CCDC3: variants seen among roughly 807,000 people sequenced by gnomAD.
The protein encoded by CCDC3 is coiled-coil domain containing 3, also known as coiled-coil domain-containing protein 3.
CCDC3 carries 24 observed loss-of-function variants against 21.4 expected under a neutral mutation model. That is an observed-to-expected ratio of 1.12 (90% CI 0.81 to 1.58). The LOEUF is 1.58. Ranked by LOEUF, CCDC3 falls within the 40% of genes most tolerant of loss-of-function variation. CCDC3 has a pLI of 0.00. For synonymous variants in CCDC3, 186 were observed against 166.0 expected (o/e 1.12, Z -0.93); for missense variants, 425 against 360.9 (o/e 1.18, Z -1.44).
chr10:13,018,468 C>T (rs1836100256), intron 5 of CCDC3, among the ~76,000 whole-genome samples: 1 of 152,152 alleles, frequency 6.6e-6, no homozygotes, highest in Non-Finnish European at 1.5e-5. Context: ...TACAAAGACT[C>T]CCGGCCTACA....
chr10:12,985,513 C>A (rs1349061439), intron 2 of CCDC3, among the ~76,000 whole-genome samples: 1 of 152,182 alleles, frequency 6.6e-6, no homozygotes, highest in Non-Finnish European at 1.5e-5. Context: ...TAGCTAAAAA[C>A]TGAAAGTTAC....
chr10:13,057,739 C>T (rs1196782408), intron 4 of CCDC3, among the ~76,000 whole-genome samples: 3 of 151,844 alleles, frequency 2.0e-5, no homozygotes, highest in African/African-American at 4.8e-5. Context: ...ATTAGCTGGG[C>T]GTGGTGGTGG....
intron 2 of CCDC3, among the ~76,000 whole-genome samples, chr10:12,959,099 T>C (rs1330914126): frequency 6.6e-6 from 1 of 151,782 alleles, no homozygotes; most frequent in African/African-American, 2.4e-5. Flanking sequence ...TTCCTACCAC[T>C]GCCCCAGTCC....
chr10:13,098,852 G>C (rs1259025976), intron 2 of CCDC3, among the ~76,000 whole-genome samples: 1 of 151,230 alleles, frequency 6.6e-6, no homozygotes, highest in Admixed American at 6.6e-5. Flanking sequence ...GAGTAGCTGG[G>C]ACTACAGGAG....
Position 13,018,652 on chromosome 10 carries a change from C to T in CCDC3, c.-1-20140G>A, listed in dbSNP as rs571169970. 3.0e-4 allele frequency among the ~76,000 whole-genome samples: 46 copies of T among 152,212 alleles called. 3 individuals are homozygous for T. In the South Asian group the frequency reaches 8.9e-3, roughly 30 times the overall value. ...GGACTATTGAAAAATGAATAGAGGC[C>T]GGGCACAGTGGCTCATGCCTGTAAT... On this transcript the variant is annotated intron_variant, in intron 5 of 6. Coordinates refer to the CCDC3 transcript ENST00000378839.
chr10:13,092,648 A>G (rs17597413), intron 3 of CCDC3, among the ~76,000 whole-genome samples: 8,530 of 152,320 alleles, frequency 0.056, 324 homozygotes, highest in Non-Finnish European at 0.086. Flanking sequence ...AGATTCAGAA[A>G]AAGGAATGGA....
At chr10:13,047,821 C>T (rs1439747115) in intron 5 of CCDC3, among the ~76,000 whole-genome samples, 1 of 152,162 alleles carries the variant, frequency 6.6e-6, no homozygotes, top group East Asian at 1.9e-4. Flanking sequence ...AGGTCTCAAT[C>T]AACTTAGAAG....
At chr10:12,973,289 C>T (rs1256301774) in intron 2 of CCDC3, among the ~76,000 whole-genome samples, 1 of 152,154 alleles carries the variant, frequency 6.6e-6, no homozygotes, top group African/African-American at 2.4e-5. Flanking sequence ...CTGCACCCAG[C>T]CACGTGTCCC....
intron 5 of CCDC3, among the ~76,000 whole-genome samples, chr10:13,030,635 G>A (rs1164067833): frequency 2.0e-5 from 3 of 151,868 alleles, no homozygotes; most frequent in African/African-American, 7.3e-5. Flanking sequence ...CAAGATAAAG[G>A]GATGGAGGAA....
intron 5 of CCDC3, among the ~76,000 whole-genome samples, chr10:13,029,733 G>A (rs1383631290): frequency 1.3e-5 from 2 of 152,280 alleles, no homozygotes; most frequent in Non-Finnish European, 2.9e-5. Context: ...GTGGAAGAAA[G>A]GGTATCAGTG....
intron 2 of CCDC3, among the ~76,000 whole-genome samples, chr10:12,904,523 C>T (rs1834142802): frequency 1.5e-5 from 2 of 137,538 alleles, no homozygotes; most frequent in South Asian, 5.0e-4. Flanking sequence ...TATTAATCCT[C>T]CTCTATCCTT....
At chr10:12,991,922 CT>C (rs1312132269) in intron 2 of CCDC3, among the ~76,000 whole-genome samples, 1 of 152,032 alleles carries the variant, frequency 6.6e-6, no homozygotes, top group Non-Finnish European at 1.5e-5. Flanking sequence ...TCTTTCTTAT[CT>C]TTTTTTCTCA....
chr10:13,010,559 G>A (rs1835972170), intron 5 of CCDC3, among the ~76,000 whole-genome samples: 1 of 152,138 alleles, frequency 6.6e-6, no homozygotes, highest in Non-Finnish European at 1.5e-5. Context: ...AAAACAACTT[G>A]ACAGCTGCTT....
chr10:12,946,662 GTTAAAT>G (rs2131243652), intron 2 of CCDC3, among the ~76,000 whole-genome samples: 1 of 152,216 alleles, frequency 6.6e-6, no homozygotes, highest in East Asian at 1.9e-4. Flanking sequence ...CTCACATTCT[GTTAAAT>G]TTAATTTATC....
At position 12,955,034 on chromosome 10, in the gene CCDC3, C is replaced by G. The variant is rs1835062362; in HGVS notation, c.549+43304G>C. Among the ~76,000 whole-genome samples the G allele has an allele frequency of 2.0e-5, 3 of 152,054 alleles. No homozygotes were observed. In the South Asian group the frequency reaches 6.2e-4, roughly 32 times the overall value. ...AGTTGTCATTCACAGCCTAGCACTT[C>G]ACACGATCATCACACACCACCCACA... On this transcript the variant is annotated intron_variant, in intron 2 of 2. Coordinates refer to ENST00000378825, the MANE Select transcript of CCDC3 (RefSeq NM_031455.4).
At chr10:13,009,239 A>T in intron 5 of CCDC3, among the ~76,000 whole-genome samples, 1 of 152,346 alleles carries the variant, frequency 6.6e-6, no homozygotes, top group South Asian at 2.1e-4. Context: ...ATACATTGAG[A>T]ACTACAAAAC....
At chr10:13,042,082 C>T (rs1022424023) in intron 5 of CCDC3, among the ~76,000 whole-genome samples, 2 of 152,168 alleles carry the variant, frequency 1.3e-5, no homozygotes, top group African/African-American at 4.8e-5. Flanking sequence ...AATGAGATGT[C>T]GTGGATGAAA....
chr10:12,912,627 A>G (rs1186184256), intron 2 of CCDC3, among the ~76,000 whole-genome samples: 1 of 151,642 alleles, frequency 6.6e-6, no homozygotes, highest in African/African-American at 2.4e-5. Context: ...ATGTGTTCCC[A>G]TTTGCATCTT....
At chr10:12,967,253 A>G (rs1393406588) in intron 2 of CCDC3, among the ~76,000 whole-genome samples, 1 of 152,230 alleles carries the variant, frequency 6.6e-6, no homozygotes, top group East Asian at 1.9e-4. Context: ...CCACCAAATG[A>G]ACAGACATCA....
Sources: gnomAD v4.1 joint callset for allele counts (sites outside exome capture counted in the v4.1 genomes callset) on GRCh38, gnomAD v4.1.1 for gene constraint, MANE v1.5 for transcripts, NCBI Gene and HGNC (gene_info 2026-07-23, HGNC 2026-07-21) for gene names.